PLCH1: variants seen among roughly 807,000 people sequenced by gnomAD.
PLCH1 encodes the protein 1-phosphatidylinositol 4,5-bisphosphate phosphodiesterase eta-1.
In PLCH1, 60 loss-of-function variants were observed where a neutral mutation model predicts 126.7. The observed-to-expected ratio is 0.47, with a 90% CI of 0.38 to 0.59. The LOEUF is 0.59. Ranked by LOEUF, PLCH1 falls within the 20% of genes least tolerant of loss-of-function variation. PLCH1 has a pLI of 0.00. For synonymous variants in PLCH1, 719 were observed against 734.9 expected (o/e 0.98, Z 0.35); for missense variants, 1,723 against 2,040.0 (o/e 0.84, Z 2.99).
In PLCH1 at chr3:155,515,934, A is replaced by G. The variant is rs117776539; in HGVS notation, c.1471-1050T>C. ...TATATGTGGACTCTGCATAATGGGT[A>G]GCTTTCCAATAATGCATTCATTTTC... On this transcript the variant is annotated intron_variant, in intron 11 of 22. Transcript: ENST00000460012. Among the ~76,000 whole-genome samples the G allele has an allele frequency of 3.6e-4, 55 of 152,360 alleles. No individual in the cohort carries two copies. In the East Asian group the frequency reaches 0.01, roughly 28 times the overall value.
chr3:155,546,846 C>T lies in PLCH1; in HGVS notation c.1362+2941G>A, dbSNP rs1367110011. On this transcript the variant is annotated intron_variant, in intron 10 of 22. Transcript: ENST00000460012. Reference sequence around the variant, plus strand: ...AAACTGGCTAGCCATATGAAGAAAGCTGAAACTGGATCCCTTCCTTACACC... The same window carrying T: ...AAACTGGCTAGCCATATGAAGAAAGTTGAAACTGGATCCCTTCCTTACACC... 1.2e-4 allele frequency among the ~76,000 whole-genome samples: 17 copies of T among 147,322 alleles called. No homozygotes were observed. The South Asian group carries it at 3.8e-3, about 33-fold the overall frequency.
At chr3:155,599,156 T>C (rs943461037) in intron 2 of PLCH1, among the ~76,000 whole-genome samples, 1 of 152,016 alleles carries the variant, frequency 6.6e-6, no homozygotes, top group Admixed American at 6.6e-5. Flanking sequence ...GTAATAAATG[T>C]CTGTTGTTTA....
At chr3:155,530,834 G>T (rs1722576536) in intron 10 of PLCH1, among the ~76,000 whole-genome samples, 1 of 152,090 alleles carries the variant, frequency 6.6e-6, no homozygotes, top group African/African-American at 2.4e-5. Flanking sequence ...GCAGTTATAG[G>T]CTTACAAAGT....
intron 2 of PLCH1, among the ~76,000 whole-genome samples, chr3:155,623,494 AATAG>A (rs1736798036): frequency 2.0e-5 from 3 of 152,208 alleles, no homozygotes; most frequent in South Asian, 4.1e-4. Flanking sequence ...AGATGAACAC[AATAG>A]ATAGACCACT....
At chr3:155,536,683 T>C (rs1423511167) in intron 10 of PLCH1, among the ~76,000 whole-genome samples, 1 of 152,022 alleles carries the variant, frequency 6.6e-6, no homozygotes, top group Admixed American at 6.6e-5. Context: ...TTATGTTAAA[T>C]GAACAAACCT....
intron 21 of PLCH1, among the ~76,000 whole-genome samples, chr3:155,471,904 A>C (rs2107983708): frequency 6.6e-6 from 1 of 152,240 alleles, no homozygotes; most frequent in Middle Eastern, 3.4e-3. Flanking sequence ...AACATACCAG[A>C]ATCTCTGGGA....
Position 155,549,865 on chromosome 3 carries a change from C to T in PLCH1, c.1284G>A (p.Leu428=). The T allele has an allele frequency of 6.2e-7, 1 of 1,613,842 alleles. No individual in the cohort carries two copies. The highest frequency in any genetic ancestry group is 8.5e-7 in the Non-Finnish European group (1 of 1,179,728). Residue 428 remains leucine (L), a synonymous_variant, in exon 10 of 23, where the codon CTG becomes CTA. Transcript: ENST00000460012. ...QYLKGIFGDK[L]DLSSVDTGEC... ...CCCCTGTATCAACAGATGACAGGTC[C>T]AGTTTGTCTCCGAATATTCCTTTCA... is the stretch of plus-strand genomic sequence containing the variant.
At chr3:155,669,455 GTAGTCCCAGCTACT>G (rs1743171455) in intron 2 of PLCH1, among the ~76,000 whole-genome samples, 1 of 152,106 alleles carries the variant, frequency 6.6e-6, no homozygotes, top group African/African-American at 2.4e-5. Flanking sequence ...GCATGCACCT[GTAGTCCCAGCTACT>G]CGAGAGGCTA....
intron 1 of PLCH1, chr3:155,742,178 C>T (rs936143308): frequency 6.6e-6 from 1 of 152,146 alleles, no homozygotes. Flanking sequence ...ATTCATCTTG[C>T]CTTATATATA....
chr3:155,676,105 T>C lies in PLCH1; in HGVS notation c.79+28041A>G, dbSNP rs1204323195. 2.1e-6 allele frequency: 3 copies of C among 1,427,740 alleles called. No individual in the cohort carries two copies. In the East Asian group the frequency reaches 7.9e-5, roughly 38 times the overall value. The allele number at this position is 1,427,740 out of a possible 1,614,324, so 88.4% of individuals were successfully genotyped here. On this transcript the variant is annotated intron_variant, in intron 2 of 22. Transcript: ENST00000460012. ...AATTTCTCTCTAAAGGCAAAGCCTT[T>C]TCCTGATACACATTTCCAAAAAGGG...
At chr3:155,503,444 C>T (rs1053858782) in intron 13 of PLCH1, among the ~76,000 whole-genome samples, 56 of 152,028 alleles carry the variant, frequency 3.7e-4, no homozygotes, top group African/African-American at 1.2e-3. Flanking sequence ...TATGAATACA[C>T]CACAATTTTT....
At chr3:155,647,856 A>T (rs917190941) in intron 2 of PLCH1, among the ~76,000 whole-genome samples, 8 of 152,170 alleles carry the variant, frequency 5.3e-5, no homozygotes, top group Non-Finnish European at 1.2e-4. Context: ...AGAATTTCTG[A>T]TCCTAATGCA....
intron 1 of PLCH1, among the ~76,000 whole-genome samples, chr3:155,725,879 T>C (rs1748282881): frequency 6.6e-6 from 1 of 152,242 alleles, no homozygotes; most frequent in South Asian, 2.1e-4. Context: ...TCTTGCCTAT[T>C]CTCTACTTTT....
intron 1 of PLCH1, among the ~76,000 whole-genome samples, chr3:155,730,347 C>A (rs1473863054): frequency 3.3e-5 from 5 of 151,634 alleles, no homozygotes; most frequent in African/African-American, 4.8e-5. Context: ...AGTGGGGTAA[C>A]CTTGGCTCAC....
intron 1 of PLCH1, among the ~76,000 whole-genome samples, chr3:155,735,999 T>A (rs1442090769): frequency 6.6e-6 from 1 of 152,164 alleles, no homozygotes; most frequent in Admixed American, 6.5e-5. Context: ...AAATATAAGA[T>A]CTATCCAGTT....
intron 2 of PLCH1, among the ~76,000 whole-genome samples, chr3:155,650,093 GC>G (rs1003070988): frequency 6.6e-6 from 1 of 151,844 alleles, no homozygotes; most frequent in Non-Finnish European, 1.5e-5. Context: ...TCCACAAACA[GC>G]CCCCCCAAAC....
intron 1 of PLCH1, among the ~76,000 whole-genome samples, chr3:155,723,670 C>A (rs1748113344): frequency 6.6e-6 from 1 of 152,046 alleles, no homozygotes. Flanking sequence ...TAATTGCCAT[C>A]TTGGACCAAG....
At chr3:155,485,945 A>G (rs917889394) in intron 21 of PLCH1, 1 of 602,552 alleles carries the variant, frequency 1.7e-6, no homozygotes, top group Non-Finnish European at 2.9e-6. Flanking sequence ...GCTTTCCCAG[A>G]AGTTTCCTAC....
At chr3:155,733,073 A>G (rs1282274052) in intron 1 of PLCH1, among the ~76,000 whole-genome samples, 1 of 152,148 alleles carries the variant, frequency 6.6e-6, no homozygotes, top group Non-Finnish European at 1.5e-5. Context: ...AGAAAACACG[A>G]ACAAAGGGAA....
Sources: gnomAD v4.1 joint callset for allele counts (sites outside exome capture counted in the v4.1 genomes callset) on GRCh38, gnomAD v4.1.1 for gene constraint, MANE v1.5 for transcripts, NCBI Gene and HGNC (gene_info 2026-07-23, HGNC 2026-07-21) for gene names.